The following ABCB1 variants were observed in gnomAD, a reference collection of about 807,000 sequenced individuals.
The protein encoded by ABCB1 is ATP-dependent translocase ABCB1.
In ABCB1, 69 loss-of-function variants were observed where a neutral mutation model predicts 142.0. That is an observed-to-expected ratio of 0.49 (90% CI 0.40 to 0.59). The LOEUF is 0.59. ABCB1 is among the 20% of genes least tolerant of loss of function. The probability of loss-of-function intolerance (pLI) is 0.00; values close to 1 mark genes in which losing one functional copy is unlikely to be tolerated. For synonymous variants in ABCB1, 532 were observed against 539.2 expected, an observed-to-expected ratio of 0.99 and a Z score of 0.18; for missense variants, 1,326 against 1,554.7, an observed-to-expected ratio of 0.85 and a Z score of 2.47.
chr7:87,674,782 A>C (rs1412880706), intron 1 of ABCB1, among the ~76,000 whole-genome samples: 1 of 152,076 alleles, frequency 6.6e-6, no homozygotes, highest in Non-Finnish European at 1.5e-5. Flanking sequence ...CTGGAGCCCA[A>C]GGAGAGGCTA....
intron 1 of ABCB1, among the ~76,000 whole-genome samples, chr7:87,619,129 T>C (rs1438215282): frequency 6.6e-6 from 1 of 152,204 alleles, no homozygotes; most frequent in Non-Finnish European, 1.5e-5. Flanking sequence ...TGTAATTTGT[T>C]ATACAACAAT....
At chr7:87,661,583 T>G (rs149814990) in intron 1 of ABCB1, among the ~76,000 whole-genome samples, 2 of 152,080 alleles carry the variant, frequency 1.3e-5, no homozygotes, top group Admixed American at 1.3e-4. Context: ...ATCCGTGTTT[T>G]TGCAAATGAT....
chr7:87,632,094 T>C (rs1172111057), intron 1 of ABCB1, among the ~76,000 whole-genome samples: 1 of 151,926 alleles, frequency 6.6e-6, no homozygotes, highest in Non-Finnish European at 1.5e-5. Context: ...CTGGAAAAAA[T>C]TGAACCATTT....
intron 5 of ABCB1, among the ~76,000 whole-genome samples, chr7:87,567,949 G>T (rs555439432): frequency 2.2e-4 from 34 of 151,906 alleles, no homozygotes; most frequent in African/African-American, 6.8e-4. Flanking sequence ...AAAAAAATTA[G>T]CCAAGCGTGG....
intron 8 of ABCB1, among the ~76,000 whole-genome samples, chr7:87,558,583 G>A (rs918486894): frequency 1.3e-5 from 2 of 151,892 alleles, no homozygotes; most frequent in African/African-American, 4.8e-5. Context: ...TAGTACAACA[G>A]TACATAGAAA....
At chr7:87,664,179 A>G (rs1459815383) in intron 1 of ABCB1, among the ~76,000 whole-genome samples, 1 of 152,088 alleles carries the variant, frequency 6.6e-6, no homozygotes, top group Non-Finnish European at 1.5e-5. Context: ...TATACAGGGT[A>G]GCCAGGCATG....
At chr7:87,539,970 G>A (rs1007873129) in intron 18 of ABCB1, among the ~76,000 whole-genome samples, 2 of 152,100 alleles carry the variant, frequency 1.3e-5, no homozygotes, top group African/African-American at 4.8e-5. Context: ...AAACACCTGT[G>A]GTATTAATAG....
Position 87,506,059 on chromosome 7 carries a change from T to G in ABCB1, c.3490-16A>C, listed in dbSNP as rs367580661. On this transcript the variant is annotated splice_polypyrimidine_tract_variant and intron_variant, in intron 26 of 27. Transcript: ENST00000622132. ...TGCTATATTTCTGTAAATAAGGTTTTGTTGTTATGAAAGTAGAACTGAAAG... is the reference window on the plus strand; with the variant it reads ...TGCTATATTTCTGTAAATAAGGTTTGGTTGTTATGAAAGTAGAACTGAAAG... 1.5e-5 allele frequency: 24 copies of G among 1,612,948 alleles called. No individual in the cohort carries two copies. In the African/African-American group the frequency reaches 2.8e-4, roughly 19 times the overall value.
intron 1 of ABCB1, among the ~76,000 whole-genome samples, chr7:87,708,558 A>G (rs1241788054): frequency 6.6e-6 from 1 of 152,166 alleles, no homozygotes; most frequent in Non-Finnish European, 1.5e-5. Flanking sequence ...ATGGGTTTTT[A>G]AGAGTTAATT....
chr7:87,614,541 G>T (rs1819967995), intron 1 of ABCB1, among the ~76,000 whole-genome samples: 1 of 152,136 alleles, frequency 6.6e-6, no homozygotes, highest in African/African-American at 2.4e-5. Flanking sequence ...CTAGTTTATG[G>T]CATTTCAGTT....
intron 1 of ABCB1, among the ~76,000 whole-genome samples, chr7:87,616,509 A>G (rs1431946776): frequency 6.6e-6 from 1 of 152,214 alleles, no homozygotes; most frequent in African/African-American, 2.4e-5. Context: ...CTTGATATTC[A>G]CTGGAATATC....
chr7:87,623,995 T>C (rs551479272), intron 1 of ABCB1, among the ~76,000 whole-genome samples: 1 of 152,356 alleles, frequency 6.6e-6, no homozygotes, highest in East Asian at 1.9e-4. Flanking sequence ...TTCACATTCA[T>C]TGTGCCACTG....
At chr7:87,709,214 C>G in intron 1 of ABCB1, 1 of 983,262 alleles carries the variant, frequency 1.0e-6, no homozygotes, top group Non-Finnish European at 1.2e-6. Flanking sequence ...GCAAGATTTT[C>G]CCTACATTTC....
At chr7:87,664,377 A>C (rs748032505) in intron 1 of ABCB1, among the ~76,000 whole-genome samples, 2 of 152,178 alleles carry the variant, frequency 1.3e-5, no homozygotes, top group Admixed American at 1.3e-4. Flanking sequence ...AACCAAAATT[A>C]CTTTACTTAC....
At chr7:87,638,351 G>GTA (rs1053837474) in intron 1 of ABCB1, among the ~76,000 whole-genome samples, 1 of 149,966 alleles carries the variant, frequency 6.7e-6, no homozygotes, top group Admixed American at 6.6e-5. Context: ...GTGTTTGTGT[G>GTA]TGTGTGTGTG....
At chr7:87,608,677 G>A (rs1053233882) in intron 1 of ABCB1, among the ~76,000 whole-genome samples, 3 of 151,962 alleles carry the variant, frequency 2.0e-5, no homozygotes, top group Admixed American at 6.6e-5. Flanking sequence ...TTTTTTTATC[G>A]TTTTATGATT....
intron 4 of ABCB1, among the ~76,000 whole-genome samples, chr7:87,574,717 C>T (rs1460194581): frequency 6.6e-6 from 1 of 152,206 alleles, no homozygotes; most frequent in Non-Finnish European, 1.5e-5. Context: ...CATGAATAAA[C>T]TAAAGTATTA....
intron 1 of ABCB1, among the ~76,000 whole-genome samples, chr7:87,692,793 G>C (rs949523101): frequency 1.3e-5 from 2 of 152,136 alleles, no homozygotes; most frequent in African/African-American, 4.8e-5. Context: ...TTTCATTTTT[G>C]TTTGTTGTAG....
chr7:87,698,811 G>A (rs1433996401), intron 1 of ABCB1, among the ~76,000 whole-genome samples: 1 of 152,128 alleles, frequency 6.6e-6, no homozygotes, highest in Non-Finnish European at 1.5e-5. Context: ...GTAAGCACAG[G>A]GTCCTGTGCC....
Sources: allele counts gnomAD v4.1 joint callset (sites outside exome capture counted in the v4.1 genomes callset), GRCh38; gene constraint gnomAD v4.1.1; transcripts MANE v1.5; gene names NCBI Gene and HGNC (gene_info 2026-07-23, HGNC 2026-07-21).